The following CSMD3 variants were observed in gnomAD, a reference collection of about 807,000 sequenced individuals.
CSMD3 encodes the protein CUB and sushi domain-containing protein 3.
In CSMD3, 177 loss-of-function variants were observed where a neutral mutation model predicts 435.2. That is an observed-to-expected ratio of 0.41 (90% CI 0.36 to 0.46). CSMD3 has a LOEUF of 0.46. Ranked by LOEUF, CSMD3 falls within the 20% of genes least tolerant of loss-of-function variation. CSMD3 has a pLI of 0.34. For synonymous variants in CSMD3, 1,656 were observed against 1,520.5 expected (o/e 1.09, Z -2.07); for missense variants, 4,265 against 4,504.6 (o/e 0.95, Z 1.52).
At chr8:112,353,144 A>G (rs972640166) in intron 38 of CSMD3, among the ~76,000 whole-genome samples, 5 of 152,274 alleles carry the variant, frequency 3.3e-5, no homozygotes, top group African/African-American at 1.2e-4. Flanking sequence ...TAATCCCAGC[A>G]CTTTGGGGGG....
chr8:112,539,349 C>T (rs1303711283), intron 27 of CSMD3: 3 of 151,964 alleles, frequency 2.0e-5, no homozygotes, highest in Non-Finnish European at 2.9e-5. Flanking sequence ...GTAAAACTTG[C>T]CAGAGTTCAT....
chr8:112,453,971 C>A (rs147474946), intron 32 of CSMD3, among the ~76,000 whole-genome samples: 2 of 152,040 alleles, frequency 1.3e-5, no homozygotes, highest in Non-Finnish European at 2.9e-5. Flanking sequence ...CTTCTACAAC[C>A]AAAGTCGACA....
intron 24 of CSMD3, among the ~76,000 whole-genome samples, chr8:112,565,578 A>G (rs1828994644): frequency 6.6e-6 from 1 of 152,142 alleles, no homozygotes; most frequent in African/African-American, 2.4e-5. Flanking sequence ...AGAACATCCA[A>G]ATATATTTAC....
intron 56 of CSMD3, among the ~76,000 whole-genome samples, chr8:112,289,940 A>G (rs1819598584): frequency 6.6e-6 from 1 of 152,164 alleles, no homozygotes; most frequent in African/African-American, 2.4e-5. Context: ...AAGTAAGGAC[A>G]TAGGACACCA....
Position 112,518,625 on chromosome 8 carries a change from TGTGTGA to T in CSMD3, c.4565-1406_4565-1401del, listed in dbSNP as rs777584544. On this transcript the variant is annotated intron_variant, in intron 27 of 70. Transcript: ENST00000297405. The stretch of plus-strand genomic sequence containing the variant: ...AAAAAATGGTGTGTGTGTGTGTGTG[TGTGTGA>T]GAGAGAGAGAGAGAGAGAGAGAGAG... Among the ~76,000 whole-genome samples the T allele has an allele frequency of 1.8e-3, 237 of 130,840 alleles. 1 individual carries two copies. In the East Asian group the frequency reaches 0.022, roughly 12 times the overall value. 85.8% of individuals were successfully genotyped at this position (130,840 alleles called of 152,430 possible). A position where few individuals can be genotyped will look rare whatever the true frequency, so the allele number is the denominator to read the frequency against.
intron 13 of CSMD3, among the ~76,000 whole-genome samples, chr8:112,778,688 G>A (rs1339077905): frequency 2.6e-5 from 4 of 151,870 alleles, no homozygotes; most frequent in African/African-American, 9.7e-5. Context: ...GTTCATTTGC[G>A]TAAATTTCAA....
chr8:113,229,840 T>C (rs1479854176), intron 3 of CSMD3, among the ~76,000 whole-genome samples: 1 of 151,624 alleles, frequency 6.6e-6, no homozygotes, highest in Non-Finnish European at 1.5e-5. Flanking sequence ...CTTGCCCTCA[T>C]CACATACTCT....
intron 3 of CSMD3, among the ~76,000 whole-genome samples, chr8:113,266,954 A>G (rs187509096): frequency 6.6e-5 from 10 of 151,860 alleles, no homozygotes; most frequent in Admixed American, 2.6e-4. Flanking sequence ...ACAAATAGAC[A>G]TTTCTCAAAA....
intron 13 of CSMD3, among the ~76,000 whole-genome samples, chr8:112,726,831 A>G (rs1163240570): frequency 1.3e-5 from 2 of 151,890 alleles, no homozygotes; most frequent in Non-Finnish European, 2.9e-5. Flanking sequence ...GATGTAATGT[A>G]TTAGATTTAA....
At position 112,380,339 on chromosome 8, in the gene CSMD3, ATAT is replaced by A; in HGVS notation, c.6136+10_6136+12del. 1 of 1,369,666 alleles carries A rather than the reference ATAT, an allele frequency of 7.3e-7. No individual in the cohort carries two copies. Among genetic ancestry groups the A allele is most frequent in the South Asian group, 1.2e-5 (1 of 85,770 alleles). 84.8% of individuals were successfully genotyped at this position (1,369,666 alleles called of 1,614,324 possible). Reference sequence around the variant, plus strand: ...TCTTAACCTTTTTGAATGGCACATGATATTATTTTTACCTGTGTATTCAAGATG... The same window carrying A: ...TCTTAACCTTTTTGAATGGCACATGATATTTTTACCTGTGTATTCAAGATG... On this transcript the variant is annotated intron_variant, in intron 38 of 70. Coordinates refer to ENST00000297405, the MANE Select transcript of CSMD3 (RefSeq NM_198123.2).
chr8:112,562,622 A>C (rs1330384052), intron 24 of CSMD3, among the ~76,000 whole-genome samples: 1 of 151,478 alleles, frequency 6.6e-6, no homozygotes, highest in Non-Finnish European at 1.5e-5. Context: ...AGGAGACATG[A>C]ATATTATATT....
intron 4 of CSMD3, among the ~76,000 whole-genome samples, chr8:113,109,430 T>C (rs889204591): frequency 3.3e-5 from 5 of 152,210 alleles, no homozygotes; most frequent in African/African-American, 9.6e-5. Context: ...AAATGATATC[T>C]GCTTCTAAAA....
chr8:112,298,592 G>A (rs1410933709), intron 53 of CSMD3, among the ~76,000 whole-genome samples: 1 of 151,836 alleles, frequency 6.6e-6, no homozygotes, highest in Non-Finnish European at 1.5e-5. Flanking sequence ...TAATGATGAA[G>A]GCCTTGTAAC....
intron 5 of CSMD3, among the ~76,000 whole-genome samples, chr8:113,095,424 C>T (rs2090133944): frequency 6.6e-6 from 1 of 152,146 alleles, no homozygotes; most frequent in African/African-American, 2.4e-5. Context: ...TTTCTTCAAA[C>T]CCCTCCAGTC....
chr8:112,422,260 TC>T (rs1326353655), intron 32 of CSMD3, among the ~76,000 whole-genome samples: 1 of 152,172 alleles, frequency 6.6e-6, no homozygotes, highest in African/African-American at 2.4e-5. Context: ...ATAAATACAT[TC>T]ATCCTAAATG....
At chr8:113,164,373 C>A (rs1483216301) in intron 4 of CSMD3, among the ~76,000 whole-genome samples, 1 of 148,574 alleles carries the variant, frequency 6.7e-6, no homozygotes, top group African/African-American at 2.5e-5. Context: ...CAACAAATGT[C>A]GGGAGCAGTA....
At chr8:113,210,706 C>T (rs1165372432) in intron 3 of CSMD3, among the ~76,000 whole-genome samples, 4 of 151,458 alleles carry the variant, frequency 2.6e-5, no homozygotes, top group East Asian at 1.9e-4. Flanking sequence ...GGTGAAACCC[C>T]GTCCCTACTG....
intron 11 of CSMD3, among the ~76,000 whole-genome samples, chr8:112,832,629 A>T (rs532265479): frequency 1.6e-4 from 24 of 152,248 alleles, no homozygotes; most frequent in East Asian, 1.4e-3. Flanking sequence ...AACCACAATA[A>T]TTGAATTCTG....
At chr8:113,334,809 A>G (rs1292383836) in intron 1 of CSMD3, among the ~76,000 whole-genome samples, 1 of 152,048 alleles carries the variant, frequency 6.6e-6, no homozygotes, top group African/African-American at 2.4e-5. Flanking sequence ...CTTTTAAGGA[A>G]TCGGTGCATT....
Sources: gnomAD v4.1 joint callset for allele counts (sites outside exome capture counted in the v4.1 genomes callset) on GRCh38, gnomAD v4.1.1 for gene constraint, MANE v1.5 for transcripts, NCBI Gene and HGNC (gene_info 2026-07-23, HGNC 2026-07-21) for gene names.